The following UGT1A9 variants were observed in gnomAD, a reference collection of about 807,000 sequenced individuals.
UGT1A9 encodes UDP-glucuronosyltransferase 1A9.
In UGT1A9, 35 loss-of-function variants were observed where a neutral mutation model predicts 45.0. That is an observed-to-expected ratio of 0.78 (90% confidence interval 0.59 to 1.03). The LOEUF (loss-of-function observed/expected upper bound fraction) is 1.03, where lower values mean the gene tolerates loss of function less well. Among genes scored for constraint, UGT1A9 ranks in the 50% least tolerant of loss-of-function variants. The pLI is 0.00. For synonymous variants in UGT1A9, 278 were observed against 250.6 expected, an observed-to-expected ratio of 1.11 and a Z score of -1.03; for missense variants, 687 against 666.6, an observed-to-expected ratio of 1.03 and a Z score of -0.34.
At chr2:233,726,721 T>C (rs17864697) in intron 1 of UGT1A9, among the ~76,000 whole-genome samples, 20,956 of 152,216 alleles carry the variant, frequency 0.14, 1,603 homozygotes, top group East Asian at 0.2. Context: ...GGAAGTACAA[T>C]GTAGATACTT....
intron 1 of UGT1A9, among the ~76,000 whole-genome samples, chr2:233,716,653 C>A (rs2076518106): frequency 6.6e-6 from 1 of 152,046 alleles, no homozygotes; most frequent in African/African-American, 2.4e-5. Flanking sequence ...TTTTTGTACC[C>A]TAAGGAAGCT....
At chr2:233,733,708 A>C (rs1332027237) in intron 1 of UGT1A9, among the ~76,000 whole-genome samples, 1 of 152,236 alleles carries the variant, frequency 6.6e-6, no homozygotes, top group Middle Eastern at 3.2e-3. Flanking sequence ...TTTGGTTTGC[A>C]GAATTTTACT....
At chr2:233,675,144 G>C (rs2074311626) in intron 1 of UGT1A9, among the ~76,000 whole-genome samples, 1 of 100,868 alleles carries the variant, frequency 9.9e-6, no homozygotes, top group Non-Finnish European at 2.5e-5. Flanking sequence ...GGCTATCCAG[G>C]GGAATTACAT....
At position 233,769,722 on chromosome 2, in the gene UGT1A9, G is replaced by A. The variant is rs906143757; in HGVS notation, c.1295+1283G>A. ...AGATCAATGTTGGCTAGGCACCATG[G>A]CACACGCCTGTAGTCCCAGCCACTC... On this transcript the variant is annotated intron_variant, in intron 4 of 4. Coordinates refer to ENST00000354728, the MANE Select transcript of UGT1A9 (RefSeq NM_021027.3). The surrounding 1 kb of genome is among the most constrained non-coding windows in gnomAD (Gnocchi z 4.4). 8 of 1,484,822 alleles carry A rather than the reference G, an allele frequency of 5.4e-6. No individual in the cohort carries two copies. Among genetic ancestry groups the A allele is most frequent in the East Asian group, 5.0e-5 (2 of 40,322 alleles). 92.0% of individuals were successfully genotyped at this position (1,484,822 alleles called of 1,614,324 possible).
At chr2:233,704,941 G>C (rs188324703) in intron 1 of UGT1A9, among the ~76,000 whole-genome samples, 1 of 152,254 alleles carries the variant, frequency 6.6e-6, no homozygotes, top group East Asian at 1.9e-4. Context: ...ATCAAGACCA[G>C]CCTGGCCAAC....
At chr2:233,761,312 C>T (rs1697739836) in intron 1 of UGT1A9, among the ~76,000 whole-genome samples, 2 of 152,232 alleles carry the variant, frequency 1.3e-5, no homozygotes, top group Non-Finnish European at 2.9e-5. Flanking sequence ...CTGTCTTTGG[C>T]ATCATCTTCT....
chr2:233,759,887 T>G (rs1697280307), intron 1 of UGT1A9, among the ~76,000 whole-genome samples: 1 of 152,200 alleles, frequency 6.6e-6, no homozygotes, highest in African/African-American at 2.4e-5. Flanking sequence ...GTTCTTTTCT[T>G]TCTAAAAGGC....
At chr2:233,732,602 G>T (rs1447005275) in intron 1 of UGT1A9, among the ~76,000 whole-genome samples, 1 of 152,210 alleles carries the variant, frequency 6.6e-6, no homozygotes, top group Non-Finnish European at 1.5e-5. Flanking sequence ...GTTTGTCAAA[G>T]ATCAAATGGT....
intron 1 of UGT1A9, chr2:233,713,109 C>T: frequency 6.2e-7 from 1 of 1,614,208 alleles, no homozygotes; most frequent in Admixed American, 1.7e-5. Context: ...TGATGGCAGC[C>T]ACTGGCTCAG....
At chr2:233,719,767 A>G (rs1291617855) in intron 1 of UGT1A9, 8 of 1,611,870 alleles carry the variant, frequency 5.0e-6, no homozygotes, top group Non-Finnish European at 6.8e-6. Context: ...AAGTGCTTCC[A>G]TATCTACTTA....
intron 1 of UGT1A9, among the ~76,000 whole-genome samples, chr2:233,681,530 CAAAAAAAAA>C (rs747693860): frequency 3.9e-5 from 3 of 77,724 alleles, no homozygotes; most frequent in South Asian, 4.9e-4. Flanking sequence ...GACTCCATCT[CAAAAAAAAA>C]AAAAAAAAAA....
intron 1 of UGT1A9, among the ~76,000 whole-genome samples, chr2:233,704,447 T>C (rs2075789170): frequency 6.6e-6 from 1 of 152,328 alleles, no homozygotes; most frequent in African/African-American, 2.4e-5. Context: ...TGAAATGTCA[T>C]TCCTATATAG....
intron 1 of UGT1A9, among the ~76,000 whole-genome samples, chr2:233,739,926 A>G (rs1487240865): frequency 2.0e-5 from 3 of 151,650 alleles, no homozygotes; most frequent in Non-Finnish European, 4.4e-5. Context: ...CATAATCCCC[A>G]TGTGTTAAGG....
At chr2:233,678,973 C>A (rs1481892328) in intron 1 of UGT1A9, among the ~76,000 whole-genome samples, 2 of 152,194 alleles carry the variant, frequency 1.3e-5, no homozygotes, top group Non-Finnish European at 2.9e-5. Context: ...GGCTTGGTGG[C>A]TTTCAAAGCT....
intron 1 of UGT1A9, among the ~76,000 whole-genome samples, chr2:233,695,130 C>CTTTTTTTT (rs71398796): frequency 7.2e-6 from 1 of 138,840 alleles, no homozygotes; most frequent in Admixed American, 7.1e-5. Flanking sequence ...CTTTTCTTTT[C>CTTTTTTTT]TTTTTTTTTT....
At position 233,672,424 on chromosome 2, in the gene UGT1A9, C is replaced by T. The variant is rs771467947; in HGVS notation, c.490C>T (p.Pro164Ser). ...GLIVAKYFSL[P>S]SVVFARGILC... Reference sequence around the variant, plus strand: ...AATTGTTGCCAAATATTTCTCCCTCCCCTCCGTGGTCTTCGCCAGGGGAAT... The same window carrying T: ...AATTGTTGCCAAATATTTCTCCCTCTCCTCCGTGGTCTTCGCCAGGGGAAT... Residue 164 changes from proline to serine, a missense_variant, in exon 1 of 5, where the codon CCC (proline) becomes TCC (serine). Pro to Ser is a moderately conservative substitution (Grantham distance 74). Coordinates refer to ENST00000354728, the MANE Select transcript of UGT1A9 (RefSeq NM_021027.3). 6 of 1,613,898 alleles carry T rather than the reference C, an allele frequency of 3.7e-6. No individual in the cohort carries two copies. The South Asian group carries it at 5.5e-5, about 15-fold the overall frequency.
chr2:233,717,244 T>C (rs3806594), intron 1 of UGT1A9, among the ~76,000 whole-genome samples: 15,396 of 152,020 alleles, frequency 0.1, 884 homozygotes, highest in East Asian at 0.2. Flanking sequence ...ATGCAGACAG[T>C]TTTAAGGGGG....
chr2:233,693,023 T>G lies in UGT1A9; in HGVS notation c.855+20234T>G, dbSNP rs6759892. ...TTCCAGGATGGCCTGCCTCCTTCGC[T>G]CATTTCAGAGAATTTCTGCAGGGGT... On this transcript the variant is annotated intron_variant, in intron 1 of 4. Transcript: ENST00000354728. The G allele has an allele frequency of 0.4, 650,213 of 1,613,808 alleles. 133,167 individuals are homozygous for G. Among genetic ancestry groups the G allele is most frequent in the South Asian group, 0.45 (41,315 of 91,030 alleles).
intron 1 of UGT1A9, among the ~76,000 whole-genome samples, chr2:233,766,331 T>C (rs1699119647): frequency 6.6e-6 from 1 of 152,150 alleles, no homozygotes; most frequent in African/African-American, 2.4e-5. Context: ...CTCCGCGTTG[T>C]TCTGCTGGTC....
Sources: gnomAD v4.1 joint callset for allele counts (sites outside exome capture counted in the v4.1 genomes callset) on GRCh38, gnomAD v4.1.1 for gene constraint, Gnocchi (gnomAD v3.1) non-coding constraint, MANE v1.5 for transcripts, NCBI Gene and HGNC (gene_info 2026-07-23, HGNC 2026-07-21) for gene names.